The following TPTE variants were observed in gnomAD, a reference collection of about 807,000 sequenced individuals.
The protein encoded by TPTE is transmembrane phosphatase with tensin homology.
In TPTE, 59 loss-of-function variants were observed where a neutral mutation model predicts 84.1. That is an observed-to-expected ratio of 0.70 (90% CI 0.57 to 0.87). The LOEUF (loss-of-function observed/expected upper bound fraction) is 0.87, where lower values mean the gene tolerates loss of function less well. TPTE is among the 40% of genes least tolerant of loss of function. The pLI is 0.00. For synonymous variants in TPTE, 130 were observed against 223.5 expected, an observed-to-expected ratio of 0.58 and a Z score of 3.73; for missense variants, 382 against 659.6, an observed-to-expected ratio of 0.58 and a Z score of 4.61.
chr21:10,539,556 C>T (rs1433648482), intron 4 of TPTE, among the ~76,000 whole-genome samples: 1 of 152,312 alleles, frequency 6.6e-6, no homozygotes, highest in Non-Finnish European at 1.5e-5. Context: ...CATTGGCCAG[C>T]TCCAGTGGTA....
intron 7 of TPTE, among the ~76,000 whole-genome samples, chr21:10,545,202 G>A (rs1274106018): frequency 1.3e-5 from 2 of 152,412 alleles, no homozygotes; most frequent in East Asian, 1.9e-4. Flanking sequence ...TTCAAAATAC[G>A]GAGAGAAAGA....
chr21:10,539,977 C>T (rs1214344208), intron 4 of TPTE, among the ~76,000 whole-genome samples: 3 of 152,302 alleles, frequency 2.0e-5, no homozygotes, highest in Non-Finnish European at 4.4e-5. Context: ...CCACTGCACT[C>T]CAGCTTGGGT....
At chr21:10,589,240 T>C (rs1486621299) in intron 17 of TPTE, among the ~76,000 whole-genome samples, 14 of 152,300 alleles carry the variant, frequency 9.2e-5, no homozygotes, top group African/African-American at 2.9e-4. Context: ...CTGTAGAGCA[T>C]GCTGGGTAGG....
chr21:10,542,559 C>CCATT, intron 6 of TPTE, 111 bp downstream of exon 6: 6 of 1,293,292 alleles, frequency 4.6e-6, no homozygotes, highest in Admixed American at 2.1e-5. Flanking sequence ...ATCCATCCAT[C>CCATT]CATTCATCCA....
chr21:10,552,280 T>C (rs1339658445), intron 7 of TPTE, among the ~76,000 whole-genome samples: 2 of 152,310 alleles, frequency 1.3e-5, no homozygotes, highest in East Asian at 1.9e-4. Context: ...CTTAATGCAG[T>C]TTTTGCTTTA....
intron 8 of TPTE, among the ~76,000 whole-genome samples, chr21:10,559,220 G>A (rs2074744347): frequency 6.6e-6 from 1 of 152,308 alleles, no homozygotes; most frequent in Non-Finnish European, 1.5e-5. Flanking sequence ...TTTAAGTTTA[G>A]TATTGCCATA....
chr21:10,554,985 C>G (rs530811337), intron 8 of TPTE, among the ~76,000 whole-genome samples: 18 of 152,400 alleles, frequency 1.2e-4, no homozygotes, highest in Middle Eastern at 3.4e-3. Flanking sequence ...CTCCCTACCC[C>G]CAGAGTCTGC....
intron 17 of TPTE, among the ~76,000 whole-genome samples, chr21:10,579,445 G>A (rs573396050): frequency 4.1e-4 from 62 of 152,276 alleles, no homozygotes; most frequent in African/African-American, 5.8e-4. Context: ...AGCTGAGATC[G>A]CACCATTGCA....
At chr21:10,591,826 T>G (rs1219744644) in intron 18 of TPTE, among the ~76,000 whole-genome samples, 1 of 152,310 alleles carries the variant, frequency 6.6e-6, no homozygotes, top group African/African-American at 2.4e-5. Context: ...AATCCTTGAA[T>G]GAGAGAAGTC....
rs1600938534 is a variant in TPTE, at chr21:10,576,875, A to ATG, written c.796-584_796-583insGT. 7.7e-5 allele frequency among the ~76,000 whole-genome samples: 11 copies of ATG among 143,432 alleles called. No homozygotes were observed. In the East Asian group the frequency reaches 2.3e-3, roughly 29 times the overall value. 94.1% of individuals were successfully genotyped at this position (143,432 alleles called of 152,430 possible). A position where few individuals can be genotyped will look rare whatever the true frequency, so the allele number is the denominator to read the frequency against. ...TATATATATATATATATATATATAT[A>ATG]TAGACACACACTTTATAGGTACACA... On this transcript the variant is annotated intron_variant, in intron 14 of 23. Coordinates refer to ENST00000618007, the MANE Select transcript of TPTE (RefSeq NM_199261.4).
At chr21:10,599,860 C>CTT (rs59780138) in intron 21 of TPTE, among the ~76,000 whole-genome samples, 3,899 of 143,174 alleles carry the variant, frequency 0.027, no homozygotes, top group African/African-American at 0.093. Flanking sequence ...TCTTCCTTTC[C>CTT]TTTTTTTTTT....
intron 6 of TPTE, among the ~76,000 whole-genome samples, 167 bp downstream of exon 6, chr21:10,542,615 C>A (rs2074391606): frequency 6.6e-6 from 1 of 152,194 alleles, no homozygotes; most frequent in South Asian, 2.1e-4. Context: ...ATTCATCCAT[C>A]CATCCACACG....
chr21:10,537,536 G>C (rs1227893109), intron 3 of TPTE, among the ~76,000 whole-genome samples: 2 of 152,296 alleles, frequency 1.3e-5, no homozygotes, highest in African/African-American at 4.8e-5. Context: ...AAATTAGCCG[G>C]GTGTGGTGGC....
intron 19 of TPTE, among the ~76,000 whole-genome samples, chr21:10,595,340 C>G (rs1176435892): frequency 1.3e-5 from 2 of 152,300 alleles, no homozygotes; most frequent in Non-Finnish European, 2.9e-5. Flanking sequence ...ACCATGATGG[C>G]CAACTTTTGA....
intron 3 of TPTE, among the ~76,000 whole-genome samples, chr21:10,535,715 C>G (rs1416932760): frequency 6.6e-6 from 1 of 152,308 alleles, no homozygotes; most frequent in African/African-American, 2.4e-5. Flanking sequence ...GAGTGAAGCA[C>G]TCAGCAAAAA....
intron 21 of TPTE, among the ~76,000 whole-genome samples, chr21:10,600,704 A>G (rs1459227912): frequency 3.3e-5 from 5 of 152,428 alleles, no homozygotes; most frequent in African/African-American, 7.2e-5. Flanking sequence ...GAAGGGGCCA[A>G]CTGAGTCTGC....
intron 6 of TPTE, 70 bp from the exon 7 acceptor site, chr21:10,543,259 C>G (rs1207962082): frequency 6.5e-7 from 1 of 1,527,108 alleles, no homozygotes; most frequent in South Asian, 1.1e-5. Flanking sequence ...GTCTCAATCT[C>G]CTGACCTCAT....
intron 17 of TPTE, among the ~76,000 whole-genome samples, chr21:10,581,611 T>C (rs1162414862): frequency 6.6e-6 from 1 of 150,468 alleles, no homozygotes; most frequent in Non-Finnish European, 1.5e-5. Flanking sequence ...ATATTTTATA[T>C]TGATTTATAG....
intron 3 of TPTE, among the ~76,000 whole-genome samples, chr21:10,528,247 C>T (rs1439939831): frequency 2.0e-5 from 3 of 152,274 alleles, no homozygotes; most frequent in Non-Finnish European, 4.4e-5. Context: ...TACTATTTAC[C>T]TTTCAATCCT....
Sources: allele counts gnomAD v4.1 joint callset (sites outside exome capture counted in the v4.1 genomes callset), GRCh38; gene constraint gnomAD v4.1.1; transcripts MANE v1.5; gene names NCBI Gene and HGNC (gene_info 2026-07-23, HGNC 2026-07-21).